The following CNKSR2 variants were observed in gnomAD, a reference collection of about 807,000 sequenced individuals.
CNKSR2 encodes the protein connector enhancer of kinase suppressor of Ras 2.
A neutral mutation model predicts 84.4 loss-of-function variants in CNKSR2; 14 were observed. That is an observed-to-expected ratio of 0.17 (90% CI 0.11 to 0.26). CNKSR2 has a LOEUF of 0.26. CNKSR2 is among the 10% of genes least tolerant of loss of function. CNKSR2 has a pLI of 1.00. For missense variants in CNKSR2, 485 were observed against 771.2 expected, an observed-to-expected ratio of 0.63 and a Z score of 4.40; for synonymous variants, 275 against 277.9, an observed-to-expected ratio of 0.99 and a Z score of 0.10.
chrX:21,374,578 G>C lies in CNKSR2; in HGVS notation c.-320G>C. On this transcript the variant is annotated 5_prime_UTR_variant, in exon 1 of 22. Transcript: ENST00000379510. ...CTGAAGCTCCCTAGGGACGGAGACC[G>C]GAGCGGAGCGGCGGAGGCAGCAGCA... 4.2e-6 allele frequency: 2 copies of C among 477,787 alleles called. No homozygotes were observed. The highest frequency in any genetic ancestry group is 2.6e-5 in the South Asian group (1 of 39,129). The allele number at this position is 477,787 out of a possible 1,213,427, so 39.4% of individuals were successfully genotyped here. A position where few individuals can be genotyped will look rare whatever the true frequency, so the allele number is the denominator to read the frequency against.
At chrX:21,494,931 T>G (rs1185614253) in intron 6 of CNKSR2, 2 of 111,886 alleles carry the variant, frequency 1.8e-5, no homozygotes, top group Non-Finnish European at 3.8e-5. Context: ...TGTTAATTCC[T>G]TGACTACCTA....
intron 6 of CNKSR2, chrX:21,495,705 C>A (rs187542208): frequency 4.3e-5 from 4 of 93,753 alleles, no homozygotes; most frequent in Admixed American, 2.6e-4. Context: ...ATCACTTGAA[C>A]CCGGGAGGCA....
chrX:21,641,869 G>C (rs2092692701), intron 20 of CNKSR2: 1 of 867,154 alleles, frequency 1.2e-6, no homozygotes, highest in Non-Finnish European at 1.4e-6. Context: ...AGCCAATCAA[G>C]ATGGAGCACA....
intron 9 of CNKSR2, among the ~76,000 whole-genome samples, chrX:21,519,787 T>C (rs1370404395): frequency 1.8e-5 from 2 of 111,270 alleles, no homozygotes; most frequent in Admixed American, 1.9e-4. Context: ...ATAGCATTTA[T>C]AGATTAAAAT....
At chrX:21,469,080 A>G (rs2091164787) in intron 4 of CNKSR2, among the ~76,000 whole-genome samples, 1 of 112,487 alleles carries the variant, frequency 8.9e-6, no homozygotes, top group African/African-American at 3.2e-5. Flanking sequence ...TATGATTATT[A>G]TCCACTACTA....
intron 11 of CNKSR2, among the ~76,000 whole-genome samples, chrX:21,535,146 C>T (rs1260005895): frequency 9.0e-6 from 1 of 111,213 alleles, no homozygotes; most frequent in African/African-American, 3.3e-5. Flanking sequence ...ATCCTTTGCC[C>T]AATGTATGTT....
intron 1 of CNKSR2, among the ~76,000 whole-genome samples, chrX:21,394,133 G>C (rs1601729745): frequency 2.7e-5 from 3 of 111,846 alleles, no homozygotes; most frequent in Non-Finnish European, 3.8e-5. Context: ...GTTTTATAGT[G>C]AATAGCTGAG....
intron 20 of CNKSR2, among the ~76,000 whole-genome samples, chrX:21,610,975 A>G (rs2092547438): frequency 8.9e-6 from 1 of 112,057 alleles, no homozygotes; most frequent in African/African-American, 3.2e-5. Context: ...TTCCATGTGA[A>G]GTATATTTTA....
chrX:21,632,344 G>C (rs2092651641), intron 20 of CNKSR2, among the ~76,000 whole-genome samples: 1 of 111,711 alleles, frequency 9.0e-6, no homozygotes, highest in Non-Finnish European at 1.9e-5. Context: ...ACTAAGATGT[G>C]AAACCATTCC....
At chrX:21,418,756 TTAA>T (rs1258519267) in intron 1 of CNKSR2, among the ~76,000 whole-genome samples, 3 of 111,637 alleles carry the variant, frequency 2.7e-5, no homozygotes, top group Non-Finnish European at 5.6e-5. Flanking sequence ...GTCAAGGCAT[TTAA>T]TAATCCCTGT....
intron 1 of CNKSR2, among the ~76,000 whole-genome samples, chrX:21,406,566 A>G (rs918769998): frequency 1.8e-5 from 2 of 111,518 alleles, no homozygotes; most frequent in Admixed American, 1.9e-4. Flanking sequence ...TTATTTAGAA[A>G]TTTTCTGAAA....
intron 20 of CNKSR2, 37 bp from the exon 21 acceptor site, chrX:21,648,785 TCTCTCTTTC>T (rs2092712804): frequency 3.4e-6 from 3 of 879,930 alleles, no homozygotes; most frequent in East Asian, 7.2e-5. Context: ...TCTCTCTCTC[TCTCTCTTTC>T]TTTTTTTTTT....
rs138808167 is a variant in CNKSR2 at position 21,545,467 on chromosome X, G to A, written c.1303+13400G>A. On this transcript the variant is annotated intron_variant, in intron 11 of 21. Coordinates refer to ENST00000379510, the MANE Select transcript of CNKSR2 (RefSeq NM_014927.5). ...CCATCTCCCTGGGACAGAGCACGTG[G>A]GGGAAGGGGTGGCTGTGGGTGCAGC... 6.7e-3 allele frequency among the ~76,000 whole-genome samples: 750 copies of A among 112,262 alleles called. 4 individuals are homozygous for A. Among genetic ancestry groups the A allele is most frequent in the Non-Finnish European group, 0.011 (588 of 53,141 alleles).
intron 11 of CNKSR2, among the ~76,000 whole-genome samples, chrX:21,533,642 A>G (rs2091904129): frequency 9.0e-6 from 1 of 111,527 alleles, no homozygotes; most frequent in African/African-American, 3.2e-5. Flanking sequence ...TCCCCCGACT[A>G]GAATAGAATA....
intron 9 of CNKSR2, among the ~76,000 whole-genome samples, chrX:21,524,254 C>T (rs1052591134): frequency 1.4e-4 from 15 of 110,911 alleles, no homozygotes; most frequent in African/African-American, 4.6e-4. Flanking sequence ...AATAAAATAA[C>T]AAGCCAGATG....
intron 10 of CNKSR2, among the ~76,000 whole-genome samples, chrX:21,531,286 T>G (rs916041619): frequency 2.7e-5 from 3 of 111,001 alleles, no homozygotes; most frequent in East Asian, 5.7e-4. Flanking sequence ...CAAGAATCAA[T>G]CAGGTAAACT....
intron 4 of CNKSR2, among the ~76,000 whole-genome samples, chrX:21,462,131 T>C (rs939141133): frequency 1.8e-5 from 2 of 111,733 alleles, no homozygotes; most frequent in African/African-American, 6.5e-5. Context: ...GCTTAGGTAG[T>C]GTGGACATTT....
Position 21,506,905 on chromosome X carries a change from G to A in CNKSR2, c.810+5317G>A, listed in dbSNP as rs1017891311. On this transcript the variant is annotated intron_variant, in intron 8 of 21. Coordinates refer to ENST00000379510, the MANE Select transcript of CNKSR2 (RefSeq NM_014927.5). ...GTTTAAAATGTATCTATTGGCTGAA[G>A]TTCTTACCTACTCTGGCTTATTAAC... The A allele has an allele frequency of 7.3e-5, 8 of 109,523 alleles. No homozygotes were observed. The East Asian group carries it at 2.3e-3, about 31-fold the overall frequency. The allele number at this position is 109,523 out of a possible 1,213,427, so 9.0% of individuals were successfully genotyped here.
intron 5 of CNKSR2, among the ~76,000 whole-genome samples, chrX:21,471,479 G>A (rs1039552776): frequency 1.8e-5 from 2 of 111,967 alleles, no homozygotes; most frequent in African/African-American, 6.5e-5. Context: ...CCAGGTACTA[G>A]GCGGTGAAGA....
Sources: gnomAD v4.1 joint callset for allele counts (sites outside exome capture counted in the v4.1 genomes callset) on GRCh38, gnomAD v4.1.1 for gene constraint, MANE v1.5 for transcripts, NCBI Gene and HGNC (gene_info 2026-07-23, HGNC 2026-07-21) for gene names.